Variants in CCDC171 observed in about 807,000 individuals in gnomAD.
CCDC171 encodes the protein coiled-coil domain containing 171, also known as coiled-coil domain-containing protein 171.
CCDC171 carries 177 observed loss-of-function variants against 168.2 expected under a neutral mutation model. The ratio of observed to expected loss-of-function variants is 1.05; its 90% CI spans 0.93 to 1.19. The LOEUF (loss-of-function observed/expected upper bound fraction) is 1.19. CCDC171 is among the 50% of genes most tolerant of loss of function. CCDC171 has a pLI of 0.00. For synonymous variants in CCDC171, 687 were observed against 540.8 expected (o/e 1.27, Z -3.75); for missense variants, 1,991 against 1,539.0 (o/e 1.29, Z -4.91).
At chr9:15,718,224 G>T (rs1003689585) in intron 11 of CCDC171, among the ~76,000 whole-genome samples, 12 of 152,212 alleles carry the variant, frequency 7.9e-5, no homozygotes, top group African/African-American at 2.9e-4. Flanking sequence ...TGTGGCAGTG[G>T]TGGCCAGGGG....
At chr9:15,799,298 G>C (rs2058708367) in intron 21 of CCDC171, among the ~76,000 whole-genome samples, 1 of 150,928 alleles carries the variant, frequency 6.6e-6, no homozygotes, top group Non-Finnish European at 1.5e-5. Flanking sequence ...CAGTATAGAT[G>C]TCTGTGTTGA....
At chr9:15,645,029 C>T (rs1391415495) in intron 7 of CCDC171, among the ~76,000 whole-genome samples, 1 of 152,148 alleles carries the variant, frequency 6.6e-6, no homozygotes, top group African/African-American at 2.4e-5. Flanking sequence ...GGCTGGGTAC[C>T]CCTCTGTGAC....
chr9:15,607,608 C>G (rs769670758), intron 6 of CCDC171, among the ~76,000 whole-genome samples: 1 of 152,018 alleles, frequency 6.6e-6, no homozygotes, highest in Non-Finnish European at 1.5e-5. Context: ...ACCACAGGCA[C>G]GTGTCACCAC....
intron 24 of CCDC171, chr9:15,888,837 T>G (rs148354339): frequency 4.6e-5 from 7 of 152,104 alleles, no homozygotes; most frequent in Non-Finnish European, 8.8e-5. Context: ...CCTGCCCTAA[T>G]TTTGTGGCAA....
At chr9:16,044,978 G>A (rs551944622) in intron 1 of CCDC171, among the ~76,000 whole-genome samples, 6 of 152,270 alleles carry the variant, frequency 3.9e-5, no homozygotes, top group African/African-American at 1.4e-4. Context: ...GCTCTTTTTA[G>A]CGTTACCTAT....
chr9:15,989,383 A>G (rs951909172), intron 3 of CCDC171, among the ~76,000 whole-genome samples: 13 of 152,196 alleles, frequency 8.5e-5, no homozygotes, highest in Admixed American at 7.2e-4. Flanking sequence ...GTTAGAAGGA[A>G]AACTAACAAA....
intron 4 of CCDC171, among the ~76,000 whole-genome samples, chr9:15,585,864 T>C (rs116462280): frequency 0.025 from 3,761 of 152,108 alleles, 160 homozygotes; most frequent in African/African-American, 0.086. Flanking sequence ...TAATTTCAAC[T>C]ACTCAGGAGG....
chr9:15,914,489 G>A (rs1824192764), intron 24 of CCDC171, among the ~76,000 whole-genome samples: 1 of 152,114 alleles, frequency 6.6e-6, no homozygotes, highest in Admixed American at 6.5e-5. Flanking sequence ...TGGTGGACAT[G>A]TCTCCCCACA....
intron 3 of CCDC171, among the ~76,000 whole-genome samples, chr9:15,994,456 G>A (rs1832306333): frequency 6.6e-6 from 1 of 152,132 alleles, no homozygotes; most frequent in Non-Finnish European, 1.5e-5. Flanking sequence ...GAGCAGGGAG[G>A]GATAGCATTT....
intron 24 of CCDC171, among the ~76,000 whole-genome samples, chr9:15,916,704 A>T (rs1038804644): frequency 3.9e-5 from 6 of 152,070 alleles, no homozygotes; most frequent in Non-Finnish European, 7.4e-5. Flanking sequence ...TTTGTATCTT[A>T]TAACTTTTTA....
At chr9:15,940,322 T>C (rs879394983) in intron 25 of CCDC171, among the ~76,000 whole-genome samples, 5 of 151,932 alleles carry the variant, frequency 3.3e-5, no homozygotes, top group Admixed American at 6.6e-5. Flanking sequence ...CAGAATCTTA[T>C]CTAATTAAGC....
chr9:16,030,224 C>G (rs1474658020), intron 6 of CCDC171, among the ~76,000 whole-genome samples: 1 of 152,100 alleles, frequency 6.6e-6, no homozygotes, highest in Non-Finnish European at 1.5e-5. Context: ...CAACAGCAGA[C>G]TGGTAATTTC....
intron 24 of CCDC171, among the ~76,000 whole-genome samples, chr9:15,903,090 A>T (rs576386560): frequency 6.4e-4 from 98 of 152,182 alleles, no homozygotes; most frequent in Non-Finnish European, 7.2e-4. Context: ...GCCTCTGTAG[A>T]CTCCACCTCT....
downstream of CCDC171, among the ~76,000 whole-genome samples, chr9:15,974,422 G>A (rs940362986): frequency 6.6e-6 from 1 of 152,162 alleles, no homozygotes; most frequent in Non-Finnish European, 1.5e-5. Context: ...TAAGAATGAT[G>A]TATAGAGTAG....
At chr9:15,823,122 G>A (rs1285272865) in intron 21 of CCDC171, among the ~76,000 whole-genome samples, 5 of 152,068 alleles carry the variant, frequency 3.3e-5, no homozygotes, top group African/African-American at 1.2e-4. Context: ...ACTCATAGGT[G>A]GGAATTGAAC....
chr9:15,992,794 C>A (rs1303596396), intron 3 of CCDC171, among the ~76,000 whole-genome samples: 1 of 152,150 alleles, frequency 6.6e-6, no homozygotes, highest in Non-Finnish European at 1.5e-5. Context: ...TTCTTATACA[C>A]CAATAACGGA....
chr9:15,729,150 C>G (rs976935428), intron 15 of CCDC171, among the ~76,000 whole-genome samples: 7 of 152,090 alleles, frequency 4.6e-5, no homozygotes, highest in African/African-American at 1.7e-4. Flanking sequence ...AATAGTCATA[C>G]ATTTTAGAAA....
chr9:15,803,880 A>AT (rs1367785062), intron 21 of CCDC171, among the ~76,000 whole-genome samples: 1 of 151,848 alleles, frequency 6.6e-6, no homozygotes, highest in African/African-American at 2.4e-5. Context: ...CACAATATTG[A>AT]TTTTTCCTAT....
intron 24 of CCDC171, among the ~76,000 whole-genome samples, chr9:15,882,041 T>G (rs1563930796): frequency 6.6e-6 from 1 of 152,244 alleles, no homozygotes; most frequent in Non-Finnish European, 1.5e-5. Context: ...AGTGCCTTAC[T>G]AATATACATT....
Sources: allele counts gnomAD v4.1 joint callset (sites outside exome capture counted in the v4.1 genomes callset), GRCh38; gene constraint gnomAD v4.1.1; transcripts MANE v1.5; gene names NCBI Gene and HGNC (gene_info 2026-07-23, HGNC 2026-07-21).